EYS: variants seen among roughly 807,000 people sequenced by gnomAD.
EYS encodes the protein protein eyes shut homolog.
In EYS, 250 loss-of-function variants were observed where a neutral mutation model predicts 282.1. That is an observed-to-expected ratio of 0.89 (90% CI 0.80 to 0.98). EYS has a LOEUF of 0.98. EYS is among the 50% of genes least tolerant of loss of function. The probability of loss-of-function intolerance (pLI) is 0.00; values close to 1 mark genes in which losing one functional copy is unlikely to be tolerated. For synonymous variants in EYS, 1,355 were observed against 1,282.9 expected, an observed-to-expected ratio of 1.06 and a Z score of -1.20; for missense variants, 4,016 against 3,709.0, an observed-to-expected ratio of 1.08 and a Z score of -2.15.
intron 12 of EYS, among the ~76,000 whole-genome samples, chr6:65,139,907 C>T (rs1298160218): frequency 6.6e-6 from 1 of 152,008 alleles, no homozygotes; most frequent in Admixed American, 6.6e-5. Context: ...ACTCACTTCC[C>T]CCACCAGCAG....
intron 15 of EYS, among the ~76,000 whole-genome samples, chr6:64,931,194 T>C (rs1768711591): frequency 6.6e-6 from 1 of 152,128 alleles, no homozygotes; most frequent in African/African-American, 2.4e-5. Flanking sequence ...CTAATTTTTT[T>C]CTCAAGGAAT....
rs77138190 is a variant in EYS at position 64,245,424 on chromosome 6, C to G, written c.6192-14600G>C. On this transcript the variant is annotated intron_variant, in intron 30 of 42. Transcript: ENST00000503581. ...ATCCTGGCTGGGCTCAAGCGATCCT[C>G]TTACCTAAGCCTCCCAAAGTACTGG... Among the ~76,000 whole-genome samples, 1,351 of 149,538 alleles carry G rather than the reference C, an allele frequency of 9.0e-3. 36 individuals carry two copies. The highest frequency in any genetic ancestry group is 0.026 in the African/African-American group (1,029 of 39,032).
chr6:63,871,658 T>C (rs1254460238), intron 35 of EYS, among the ~76,000 whole-genome samples: 1 of 151,958 alleles, frequency 6.6e-6, no homozygotes, highest in Admixed American at 6.6e-5. Flanking sequence ...TGAGACTCCA[T>C]CTCAAAAAGA....
intron 2 of EYS, among the ~76,000 whole-genome samples, chr6:65,591,509 T>C (rs1765232978): frequency 6.6e-6 from 1 of 152,034 alleles, no homozygotes; most frequent in South Asian, 2.1e-4. Context: ...CTAGATATTA[T>C]CTTTTCTCTT....
rs55966462 is a variant in EYS at position 64,261,787 on chromosome 6, G to GT, written c.6192-30964dup. 3.9e-3 allele frequency among the ~76,000 whole-genome samples: 563 copies of GT among 144,786 alleles called. 7 individuals carry two copies. Among genetic ancestry groups the GT allele is most frequent in the African/African-American group, 0.011 (438 of 39,454 alleles). The allele number at this position is 144,786 out of a possible 152,430, so 95.0% of individuals were successfully genotyped here. On this transcript the variant is annotated intron_variant, in intron 30 of 42. Coordinates refer to ENST00000503581, the MANE Select transcript of EYS (RefSeq NM_001142800.2). ...TATATACCTAATATTAGGTTATTTT[G>GT]TTTTTTTTTTTTCTTTTTCTGGAGT... is the stretch of plus-strand genomic sequence containing the variant.
intron 12 of EYS, among the ~76,000 whole-genome samples, chr6:65,230,869 G>A (rs1766754194): frequency 6.6e-6 from 1 of 151,174 alleles, no homozygotes; most frequent in South Asian, 2.1e-4. Context: ...TACATGGCAT[G>A]CTCTTAATTG....
intron 11 of EYS, among the ~76,000 whole-genome samples, chr6:65,318,067 C>A (rs1404355567): frequency 6.6e-6 from 1 of 151,320 alleles, no homozygotes. Context: ...CGGGATTTCA[C>A]CATGTTAGCC....
intron 2 of EYS, among the ~76,000 whole-genome samples, chr6:65,564,200 A>G (rs911369547): frequency 6.6e-6 from 1 of 152,212 alleles, no homozygotes; most frequent in Non-Finnish European, 1.5e-5. Flanking sequence ...ATACTGCCCA[A>G]AGTAATTTAT....
intron 32 of EYS, among the ~76,000 whole-genome samples, chr6:64,074,314 A>G (rs1771690196): frequency 6.6e-6 from 1 of 151,110 alleles, no homozygotes; most frequent in Non-Finnish European, 1.5e-5. Context: ...CTGATATATT[A>G]AAATATATAT....
chr6:64,180,617 C>T (rs373513051), intron 31 of EYS, among the ~76,000 whole-genome samples: 20 of 151,990 alleles, frequency 1.3e-4, no homozygotes, highest in Non-Finnish European at 2.2e-4. Flanking sequence ...CTGTTGTTGC[C>T]ATCTTTATGT....
At chr6:65,623,007 T>C (rs6926767) in intron 2 of EYS, among the ~76,000 whole-genome samples, 54,312 of 152,054 alleles carry the variant, frequency 0.36, 12,108 homozygotes, top group Non-Finnish European at 0.49. Context: ...ATTCTCCCAC[T>C]TCAGACTCCC....
At chr6:64,959,117 C>T (rs1769827030) in intron 14 of EYS, among the ~76,000 whole-genome samples, 1 of 152,142 alleles carries the variant, frequency 6.6e-6, no homozygotes, top group Middle Eastern at 3.4e-3. Context: ...GTTGTGGTAA[C>T]CATGTAAGCG....
intron 36 of EYS, among the ~76,000 whole-genome samples, chr6:63,844,345 A>G (rs1562055895): frequency 6.6e-6 from 1 of 152,156 alleles, no homozygotes; most frequent in Admixed American, 6.6e-5. Context: ...TAATAGAATC[A>G]TTTATTTTCC....
intron 26 of EYS, among the ~76,000 whole-genome samples, chr6:64,441,582 C>T (rs1475391929): frequency 2.0e-5 from 3 of 152,090 alleles, no homozygotes; most frequent in East Asian, 1.9e-4. Context: ...TCATTGATAT[C>T]GTTTGGCTCT....
intron 26 of EYS, among the ~76,000 whole-genome samples, chr6:64,466,514 G>C (rs34766139): frequency 0.3 from 45,594 of 151,860 alleles, 6,893 homozygotes; most frequent in East Asian, 0.47. Context: ...AGACAAATAC[G>C]ACATGATCTT....
In EYS at chr6:64,334,825, C is replaced by G. The variant is rs572572406; in HGVS notation, c.6079-27743G>C. ...CACTGCCAGGAAGCAGAAGTTAGCT[C>G]ATGTTCCAGTCCAGATGTGGTCTGG... On this transcript the variant is annotated intron_variant, in intron 29 of 42. Transcript: ENST00000503581. Among the ~76,000 whole-genome samples the G allele has an allele frequency of 5.3e-5, 8 of 152,250 alleles. No individual in the cohort carries two copies. In the South Asian group the frequency reaches 1.7e-3, roughly 32 times the overall value.
chr6:65,616,893 A>G (rs1390607416), intron 2 of EYS, among the ~76,000 whole-genome samples: 1 of 152,200 alleles, frequency 6.6e-6, no homozygotes, highest in East Asian at 1.9e-4. Context: ...ACTGATCACT[A>G]TGACTAACTA....
chr6:64,869,111 A>C (rs1766514262), intron 19 of EYS, among the ~76,000 whole-genome samples: 1 of 151,426 alleles, frequency 6.6e-6, no homozygotes, highest in African/African-American at 2.4e-5. Flanking sequence ...TTCATTTTAT[A>C]TTTTATATGA....
chr6:65,027,394 T>C (rs1268127974), intron 13 of EYS, among the ~76,000 whole-genome samples: 2 of 152,198 alleles, frequency 1.3e-5, no homozygotes, highest in Non-Finnish European at 2.9e-5. Flanking sequence ...ACAGTCTGCT[T>C]TCTGTTATTG....
Sources: gnomAD v4.1 joint callset for allele counts (sites outside exome capture counted in the v4.1 genomes callset) on GRCh38, gnomAD v4.1.1 for gene constraint, MANE v1.5 for transcripts, NCBI Gene and HGNC (gene_info 2026-07-23, HGNC 2026-07-21) for gene names.